Variants in KAT8 observed in about 807,000 individuals in gnomAD.
KAT8 encodes the protein lysine acetyltransferase 8.
In KAT8, 40 loss-of-function variants were observed where a neutral mutation model predicts 62.9. That is an observed-to-expected ratio of 0.64 (90% CI 0.49 to 0.83). The LOEUF (loss-of-function observed/expected upper bound fraction) is 0.83. KAT8 is among the 40% of genes least tolerant of loss of function. KAT8 has a pLI of 0.00. For missense variants in KAT8, 387 were observed against 614.8 expected, an observed-to-expected ratio of 0.63 and a Z score of 3.92; for synonymous variants, 278 against 254.5, an observed-to-expected ratio of 1.09 and a Z score of -0.88.
chr16:31,120,385 G>A lies in KAT8; in HGVS notation c.333G>A (p.Leu111=). Residue 111 remains leucine (L), a synonymous_variant, in exon 3 of 11, where the codon CTG becomes CTA. Coordinates refer to ENST00000219797, the MANE Select transcript of KAT8 (RefSeq NM_032188.3). The part of the protein sequence containing the change: ...DEWVDKNRLA[L]TKTVKDAVQK... ...GGGTAGACAAGAACCGGCTGGCGCTGACCAAGACAGTGAAGGATGCTGTAC... is the reference window on the plus strand; with the variant it reads ...GGGTAGACAAGAACCGGCTGGCGCTAACCAAGACAGTGAAGGATGCTGTAC... 1 of 1,614,096 alleles carries A rather than the reference G, an allele frequency of 6.2e-7. No homozygotes were observed. The highest frequency in any genetic ancestry group is 8.5e-7 in the Non-Finnish European group (1 of 1,179,970).
chr16:31,124,855 C>T (rs1179717525), intron 3 of KAT8, among the ~76,000 whole-genome samples: 1 of 151,938 alleles, frequency 6.6e-6, no homozygotes, highest in African/African-American at 2.4e-5. Flanking sequence ...TGGTGAAACC[C>T]CATCTCTACC....
At chr16:31,118,232 T>C (rs184503055) in intron 1 of KAT8, 2 of 237,242 alleles carry the variant, frequency 8.4e-6, no homozygotes, top group African/African-American at 4.5e-5. Context: ...GCGTCTTCTT[T>C]TTCCATTTGT....
At chr16:31,122,473 C>T (rs566372397) in intron 3 of KAT8, 5 of 152,044 alleles carry the variant, frequency 3.3e-5, no homozygotes, top group African/African-American at 1.2e-4. Context: ...TCTAAACTGC[C>T]GAATCGAACT....
At chr16:31,126,856 A>T in intron 3 of KAT8, 179 bp from the exon 4 acceptor site, 1 of 629,676 alleles carries the variant, frequency 1.6e-6, no homozygotes. Context: ...TGGGTGTGAG[A>T]GGAGTCTGGA....
chr16:31,128,107 T>C lies in KAT8; in HGVS notation c.739T>C (p.Ser247Pro). 1 of 1,613,936 alleles carries C rather than the reference T, an allele frequency of 6.2e-7. No individual in the cohort carries two copies. Among genetic ancestry groups the C allele is most frequent in the Non-Finnish European group, 8.5e-7 (1 of 1,179,968 alleles). ...GKEIYRKSNI[S>P]VYEVDGKDHK... ...AGAGATCTACCGCAAGAGCAACATC[T>C]CCGTGTACGAAGTTGATGGCAAAGA... Residue 247 changes from serine (S) to proline (P), a missense_variant, in exon 6 of 11, where the codon TCC becomes CCC. By Grantham distance (74) the Ser-to-Pro change is moderately conservative. Transcript: ENST00000219797.
At position 31,117,864 on chromosome 16, in the gene KAT8, C is replaced by T; in HGVS notation, c.183C>T (p.Tyr61=). 2.8e-6 allele frequency: 4 copies of T among 1,415,498 alleles called. No individual in the cohort carries two copies. The highest frequency in any genetic ancestry group is 3.7e-6 in the Non-Finnish European group (4 of 1,075,440). 87.7% of individuals were successfully genotyped at this position (1,415,498 alleles called of 1,614,324 possible). ...PEVTVEIGET[Y]LCRRPDSTWH... ...TCACGGTGGAGATCGGAGAAACGTACCTGTGCCGGCGACCGGATAGCACCT... is the reference window on the plus strand; with the variant it reads ...TCACGGTGGAGATCGGAGAAACGTATCTGTGCCGGCGACCGGATAGCACCT... Residue 61 remains tyrosine, a synonymous_variant, in exon 1 of 11, where the codon TAC becomes TAT. Coordinates refer to ENST00000219797, the MANE Select transcript of KAT8 (RefSeq NM_032188.3).
chr16:31,118,061 C>T, intron 1 of KAT8, 169 bp downstream of exon 1: 1 of 501,898 alleles, frequency 2.0e-6, no homozygotes, highest in East Asian at 3.5e-5. Context: ...GAGAAACCAG[C>T]CGGGTTGTGG....
intron 3 of KAT8, among the ~76,000 whole-genome samples, chr16:31,121,931 T>C (rs1488884814): frequency 6.6e-6 from 1 of 151,952 alleles, no homozygotes; most frequent in Non-Finnish European, 1.5e-5. Flanking sequence ...TTTTATTTTT[T>C]TGTAGAGACG....
Position 31,120,537 on chromosome 16 carries a change from G to A in KAT8, c.462+23G>A, listed in dbSNP as rs544608321. 18 of 1,586,174 alleles carry A rather than the reference G, an allele frequency of 1.1e-5. No individual in the cohort carries two copies. In the African/African-American group the frequency reaches 1.9e-4, roughly 17 times the overall value. On this transcript the variant is annotated intron_variant, in intron 3 of 10. Transcript: ENST00000219797. ...AAGGTCCGGATCCCTTCCCATCCAC[G>A]GGCCCAGGAGGCCCAGCTTCTCTGC...
chr16:31,122,587 T>A (rs2057503857), intron 3 of KAT8: 1 of 152,096 alleles, frequency 6.6e-6, no homozygotes, highest in African/African-American at 2.4e-5. Context: ...TGACGAAGAA[T>A]TAAGAATTTT....
chr16:31,130,925 G>A lies in KAT8; in HGVS notation c.1312+25G>A, dbSNP rs185459113. 1.3e-3 allele frequency: 2,025 copies of A among 1,597,646 alleles called. 3 individuals carry two copies. Among genetic ancestry groups the A allele is most frequent in the Non-Finnish European group, 1.6e-3 (1,881 of 1,171,112 alleles). The stretch of plus-strand genomic sequence containing the variant: ...GGTGGGTGGGGGGCTGCTGTGTGTC[G>A]GGGGCGGTGGGGGAGTGTCAGTATA... On this transcript the variant is annotated intron_variant, in intron 10 of 10. Coordinates refer to ENST00000219797, the MANE Select transcript of KAT8 (RefSeq NM_032188.3).
chr16:31,117,702 T>A lies in KAT8; in HGVS notation c.21T>A (p.Ala7=). Residue 7 remains alanine, a synonymous_variant, in exon 1 of 11, where the codon GCT becomes GCA. Coordinates refer to ENST00000219797, the MANE Select transcript of KAT8 (RefSeq NM_032188.3). MAAQGA[A]AAVAAGTSGV... ...CCGCGATGGCGGCACAGGGAGCTGCTGCGGCGGTTGCGGCGGGGACTTCAG... is the reference window on the plus strand; with the variant it reads ...CCGCGATGGCGGCACAGGGAGCTGCAGCGGCGGTTGCGGCGGGGACTTCAG... 1 of 1,397,534 alleles carries A rather than the reference T, an allele frequency of 7.2e-7. No homozygotes were observed. Among genetic ancestry groups the A allele is most frequent in the Non-Finnish European group, 9.3e-7 (1 of 1,071,032 alleles). The allele number at this position is 1,397,534 out of a possible 1,614,324, so 86.6% of individuals were successfully genotyped here. A position where few individuals can be genotyped will look rare whatever the true frequency, so the allele number is the denominator to read the frequency against.
intron 6 of KAT8, among the ~76,000 whole-genome samples, chr16:31,129,481 T>C (rs2057556175): frequency 6.6e-6 from 1 of 151,922 alleles, no homozygotes; most frequent in African/African-American, 2.4e-5. Flanking sequence ...GATGAGAGAG[T>C]GGCTGTGGTG....
At chr16:31,118,071 GGAGGCTGTTGACCTTGAATTATGCC>G in intron 1 of KAT8, 179 bp downstream of exon 1, 1 of 458,226 alleles carries the variant, frequency 2.2e-6, no homozygotes, top group South Asian at 6.0e-5. Flanking sequence ...CCGGGTTGTG[GGAGGCTGTTGACCTTGAATTATGCC>G]GAGCGACGCC....
chr16:31,130,712 C>G (rs754449268), intron 9 of KAT8, 34 bp from the exon 10 acceptor site: 1 of 1,612,512 alleles, frequency 6.2e-7, no homozygotes, highest in African/African-American at 1.3e-5. Flanking sequence ...ACAAGGGCAC[C>G]AGGTCTGGCA....
intron 3 of KAT8, chr16:31,125,902 C>G (rs2057528653): frequency 6.6e-6 from 1 of 152,148 alleles, no homozygotes; most frequent in African/African-American, 2.4e-5. Flanking sequence ...TTTCTAAGGA[C>G]TTGAAAAATA....
Position 31,127,027 on chromosome 16 carries a change from T to G in KAT8, c.463-8T>G, listed in dbSNP as rs2143985028. The G allele has an allele frequency of 6.2e-7, 1 of 1,614,212 alleles. No homozygotes were observed. The highest frequency in any genetic ancestry group is 1.3e-5 in the African/African-American group (1 of 75,058). ...TTCACCTCTGCCCACTTTTCTTTCCTGGCCCAGACTTATGCAGAGATGGAC... is the reference window on the plus strand; with the variant it reads ...TTCACCTCTGCCCACTTTTCTTTCCGGGCCCAGACTTATGCAGAGATGGAC... On this transcript the variant is annotated splice_region_variant and splice_polypyrimidine_tract_variant and intron_variant, in intron 3 of 10. Transcript: ENST00000219797.
chr16:31,122,892 T>A (rs60996860), intron 3 of KAT8, among the ~76,000 whole-genome samples: 54,483 of 148,608 alleles, frequency 0.37, 10,656 homozygotes, highest in South Asian at 0.69. Context: ...AAAAAAAAAA[T>A]TTTTAAATTA....
Position 31,128,090 on chromosome 16 carries a change from A to G in KAT8, c.722A>G (p.Tyr241Cys), listed in dbSNP as rs767609567. 236 of 1,613,910 alleles carry G rather than the reference A, an allele frequency of 1.5e-4. No homozygotes were observed. Among genetic ancestry groups the G allele is most frequent in the Non-Finnish European group, 1.9e-4 (225 of 1,179,982 alleles). ...QWRQPPGKEIYRKSNISVYEV... is the reference protein window; with the variant it reads ...QWRQPPGKEICRKSNISVYEV... ...CGGCAGCCCCCCGGGAAAGAGATCTACCGCAAGAGCAACATCTCCGTGTAC... is the reference window on the plus strand; with the variant it reads ...CGGCAGCCCCCCGGGAAAGAGATCTGCCGCAAGAGCAACATCTCCGTGTAC... The change falls in exon 6 of 11, where the codon TAC becomes TGC. Residue 241 changes from tyrosine to cysteine, a missense_variant. By Grantham distance (194) the Tyr-to-Cys change is radical. Transcript: ENST00000219797.
Sources: gnomAD v4.1 joint callset for allele counts (sites outside exome capture counted in the v4.1 genomes callset) on GRCh38, gnomAD v4.1.1 for gene constraint, MANE v1.5 for transcripts, NCBI Gene and HGNC (gene_info 2026-07-23, HGNC 2026-07-21) for gene names.